ANK1: variants seen among roughly 807,000 people sequenced by gnomAD.
ANK1 encodes the protein ankyrin-1.
A neutral mutation model predicts 210.4 loss-of-function variants in ANK1; 51 were observed. That is an observed-to-expected ratio of 0.24 (90% CI 0.19 to 0.31). The LOEUF (loss-of-function observed/expected upper bound fraction) is 0.31. Among genes scored for constraint, ANK1 ranks in the 10% least tolerant of loss-of-function variants. ANK1 has a pLI of 1.00. For synonymous variants in ANK1, 967 were observed against 1,025.9 expected, an observed-to-expected ratio of 0.94 and a Z score of 1.10; for missense variants, 2,051 against 2,504.4, an observed-to-expected ratio of 0.82 and a Z score of 3.86.
chr8:41,713,583 G>A (rs150966569), intron 16 of ANK1, among the ~76,000 whole-genome samples: 35 of 152,328 alleles, frequency 2.3e-4, no homozygotes, highest in East Asian at 1.2e-3. Flanking sequence ...CTATCTAAAA[G>A]TCTGATCTCA....
chr8:41,720,724 G>C (rs1381672487), intron 9 of ANK1, among the ~76,000 whole-genome samples: 2 of 152,112 alleles, frequency 1.3e-5, no homozygotes, highest in African/African-American at 2.4e-5. Flanking sequence ...GCACTGGGAG[G>C]GAGGAGGTGA....
Position 41,661,881 on chromosome 8 carries a change from C to G in ANK1, c.5539G>C (p.Glu1847Gln). The G allele has an allele frequency of 6.2e-7, 1 of 1,614,106 alleles. No homozygotes were observed. Residue 1847 changes from glutamate to glutamine, a missense_variant, in exon 41 of 43, where the codon GAG (glutamate) becomes CAG (glutamine). Glu to Gln is a conservative substitution (Grantham distance 29, BLOSUM62 2). Coordinates refer to ENST00000289734, the MANE Select transcript of ANK1 (RefSeq NM_000037.4). ...LSSADAAQEH[E>Q]EVELRGSGLQ... ...AGGGGCCCCTCTACAGTCACCTCCT[C>G]GTGCTCCTGGGCGGCATCGGCGCTG...
At chr8:41,825,327 A>C (rs576718702) in intron 1 of ANK1, among the ~76,000 whole-genome samples, 2 of 152,370 alleles carry the variant, frequency 1.3e-5, no homozygotes, top group South Asian at 4.1e-4. Context: ...GTAAATGATC[A>C]ATACTCTATT....
intron 2 of ANK1, among the ~76,000 whole-genome samples, chr8:41,739,763 C>T (rs949258471): frequency 8.6e-5 from 13 of 151,994 alleles, no homozygotes; most frequent in African/African-American, 2.2e-4. Context: ...AGGTAGACTG[C>T]GGTTATCTTG....
intron 1 of ANK1, among the ~76,000 whole-genome samples, chr8:41,773,725 G>A (rs528668536): frequency 3.7e-4 from 56 of 151,798 alleles, no homozygotes; most frequent in Non-Finnish European, 7.5e-4. Context: ...TGGAACCCCC[G>A]CTCCCTCCTG....
In ANK1 at chr8:41,694,444, T is replaced by C. The variant is rs1369851457; in HGVS notation, c.3327+148A>G. 9 of 882,842 alleles carry C rather than the reference T, an allele frequency of 1.0e-5. No homozygotes were observed. Among genetic ancestry groups the C allele is most frequent in the Admixed American group, 9.0e-5 (4 of 44,410 alleles). The allele number at this position is 882,842 out of a possible 1,614,324, so 54.7% of individuals were successfully genotyped here. A position where few individuals can be genotyped will look rare whatever the true frequency, so the allele number is the denominator to read the frequency against. On this transcript the variant is annotated intron_variant, in intron 28 of 42. Coordinates refer to ENST00000289734, the MANE Select transcript of ANK1 (RefSeq NM_000037.4). The surrounding 1 kb of genome is among the most constrained non-coding windows in gnomAD (Gnocchi z 5.7). ...TCCACCTCACCCCTTCCCACTTAAC[T>C]CTCCTTTGAGCTTTAAACTCAGATC...
chr8:41,749,190 A>G (rs1268938032), intron 2 of ANK1, among the ~76,000 whole-genome samples: 1 of 151,660 alleles, frequency 6.6e-6, no homozygotes, highest in African/African-American at 2.4e-5. Context: ...GCACGAATTT[A>G]TTCATTTTGG....
chr8:41,860,302 GT>G (rs1431670279), intron 1 of ANK1, among the ~76,000 whole-genome samples: 2 of 152,314 alleles, frequency 1.3e-5, no homozygotes, highest in East Asian at 3.9e-4. Context: ...AAGCAGTGAG[GT>G]TTCACCTTGG....
intron 16 of ANK1, 65 bp from the exon 17 acceptor site, chr8:41,709,040 A>C: frequency 1.3e-6 from 2 of 1,591,942 alleles, no homozygotes; most frequent in Non-Finnish European, 1.7e-6. Context: ...ATCAACACAC[A>C]AGCAGGGGCT....
chr8:41,742,838 C>T (rs1344343449), intron 2 of ANK1, among the ~76,000 whole-genome samples: 1 of 152,170 alleles, frequency 6.6e-6, no homozygotes, highest in African/African-American at 2.4e-5. Flanking sequence ...TTTACCTTTA[C>T]CCATGCAGGC....
At chr8:41,752,837 C>A (rs1475565747) in intron 2 of ANK1, among the ~76,000 whole-genome samples, 1 of 149,778 alleles carries the variant, frequency 6.7e-6, no homozygotes, top group African/African-American at 2.4e-5. Flanking sequence ...CGCCTGTTTT[C>A]CATGCGGTAG....
intron 1 of ANK1, among the ~76,000 whole-genome samples, chr8:41,769,992 T>C (rs984716975): frequency 6.9e-6 from 1 of 145,766 alleles, no homozygotes; most frequent in African/African-American, 2.5e-5. Context: ...TTTTTTTTTT[T>C]TTTTTTGAGG....
intron 1 of ANK1, among the ~76,000 whole-genome samples, chr8:41,803,021 GAA>G (rs1453295377): frequency 4.8e-4 from 41 of 85,372 alleles, no homozygotes; most frequent in African/African-American, 2.1e-3. Context: ...AAGAAAGAAA[GAA>G]AGAAAGAAAG....
At position 41,686,967 on chromosome 8, in the gene ANK1, C is replaced by T. The variant is rs182740023; in HGVS notation, c.4259-684G>A. Among the ~76,000 whole-genome samples, 524 of 152,162 alleles carry T rather than the reference C, an allele frequency of 3.4e-3. 2 individuals are homozygous for T. The highest frequency in any genetic ancestry group is 0.011 in the African/African-American group (467 of 41,530). On this transcript the variant is annotated intron_variant, in intron 35 of 42. Transcript: ENST00000289734. ...TCAGAACACGCACATACAACACAAA[C>T]GTGCACACACTCACAACACATACAC...
intron 2 of ANK1, among the ~76,000 whole-genome samples, chr8:41,737,152 A>G (rs1348006781): frequency 6.6e-6 from 1 of 152,132 alleles, no homozygotes; most frequent in Non-Finnish European, 1.5e-5. Flanking sequence ...TACAACAATT[A>G]GCCAGGTGTG....
At position 41,708,781 on chromosome 8, in the gene ANK1, G is replaced by A. The variant is rs1287631254; in HGVS notation, c.1995C>T (p.Asn665=). 2.5e-6 allele frequency: 4 copies of A among 1,613,690 alleles called. No individual in the cohort carries two copies. Among genetic ancestry groups the A allele is most frequent in the East Asian group, 2.2e-5 (1 of 44,896 alleles). ...GATCCGAAGACACCATGCCTACCTT[G>A]TTCCCCAGGTTGCCATTGGCTTGTT... ...LSKQANGNLG[N]KSGLTPLHLV... Residue 665 remains asparagine, a synonymous_variant, in exon 17 of 43, where the codon AAC becomes AAT. Transcript: ENST00000289734.
chr8:41,680,651 C>T (rs921583001), intron 37 of ANK1, among the ~76,000 whole-genome samples: 1 of 152,102 alleles, frequency 6.6e-6, no homozygotes, highest in Non-Finnish European at 1.5e-5. Context: ...CTCTGGGAGT[C>T]CTTCCCTGGT....
intron 39 of ANK1, 189 bp from the exon 40 acceptor site, chr8:41,663,931 G>A: frequency 1.5e-6 from 1 of 667,498 alleles, no homozygotes; most frequent in East Asian, 2.8e-5. Context: ...GCGCCCCTGA[G>A]GGTCTGGGAG....
intron 2 of ANK1, among the ~76,000 whole-genome samples, chr8:41,741,529 A>C (rs1436745262): frequency 6.6e-6 from 1 of 151,396 alleles, no homozygotes; most frequent in Non-Finnish European, 1.5e-5. Context: ...GCAGTGAGCT[A>C]TGATTGCACC....
Sources: gnomAD v4.1 joint callset for allele counts (sites outside exome capture counted in the v4.1 genomes callset) on GRCh38, gnomAD v4.1.1 for gene constraint, Gnocchi (gnomAD v3.1) non-coding constraint, MANE v1.5 for transcripts, NCBI Gene and HGNC (gene_info 2026-07-23, HGNC 2026-07-21) for gene names.